The following IFT122 variants were observed in gnomAD, a reference collection of about 807,000 sequenced individuals.
IFT122 encodes intraflagellar transport protein 122 homolog.
Under a neutral mutation model 161.6 loss-of-function variants are expected in IFT122, and 118 were observed. The ratio of observed to expected loss-of-function variants is 0.73; its 90% CI spans 0.63 to 0.85. The LOEUF (loss-of-function observed/expected upper bound fraction) is 0.85. Ranked by LOEUF, IFT122 falls within the 40% of genes least tolerant of loss-of-function variation. The pLI is 0.00. For missense variants in IFT122, 1,381 were observed against 1,579.6 expected, an observed-to-expected ratio of 0.87 and a Z score of 2.13; for synonymous variants, 550 against 602.4, an observed-to-expected ratio of 0.91 and a Z score of 1.27.
intron 15 of IFT122, among the ~76,000 whole-genome samples, chr3:129,485,952 T>G (rs1297285429): frequency 2.0e-5 from 3 of 152,206 alleles, no homozygotes. Context: ...GTCTTGGAAT[T>G]TTTGGTTGCC....
chr3:129,479,276 A>T (rs1271752828), intron 12 of IFT122, among the ~76,000 whole-genome samples: 1 of 151,324 alleles, frequency 6.6e-6, no homozygotes, highest in African/African-American at 2.4e-5. Flanking sequence ...AAAAAAAAAA[A>T]AAATTATTTA....
chr3:129,485,393 C>T (rs891089046), intron 15 of IFT122, among the ~76,000 whole-genome samples: 2 of 152,176 alleles, frequency 1.3e-5, no homozygotes, highest in African/African-American at 4.8e-5. Context: ...GGGAAATGCC[C>T]ATCATCCATG....
At chr3:129,456,582 A>G (rs1045668361) in intron 3 of IFT122, among the ~76,000 whole-genome samples, 10 of 151,962 alleles carry the variant, frequency 6.6e-5, no homozygotes, top group African/African-American at 2.4e-4. Flanking sequence ...GATTGCAGTG[A>G]GCTGAGATTA....
chr3:129,447,061 T>G (rs955032244), intron 1 of IFT122, among the ~76,000 whole-genome samples: 3 of 152,244 alleles, frequency 2.0e-5, no homozygotes, highest in African/African-American at 7.2e-5. Flanking sequence ...TTCTCCATGT[T>G]CTAGCAACAT....
chr3:129,497,844 A>C (rs1488443351), intron 18 of IFT122, among the ~76,000 whole-genome samples: 2 of 152,218 alleles, frequency 1.3e-5, no homozygotes, highest in Admixed American at 6.5e-5. Context: ...TGTTTACTTG[A>C]AAATTGCTTC....
intron 3 of IFT122, among the ~76,000 whole-genome samples, 153 bp from the exon 4 acceptor site, chr3:129,458,446 G>A (rs2075790517): frequency 6.6e-6 from 1 of 152,136 alleles, no homozygotes; most frequent in African/African-American, 2.4e-5. Flanking sequence ...CAAATATTCT[G>A]ACTCCAAGGT....
At chr3:129,443,632 G>T (rs1356172866) in intron 1 of IFT122, among the ~76,000 whole-genome samples, 1 of 152,192 alleles carries the variant, frequency 6.6e-6, no homozygotes, top group African/African-American at 2.4e-5. Context: ...CAAATATGTA[G>T]AACATGGCCA....
chr3:129,449,617 A>C (rs539204554), intron 1 of IFT122, among the ~76,000 whole-genome samples: 1 of 152,350 alleles, frequency 6.6e-6, no homozygotes, highest in South Asian at 2.1e-4. Flanking sequence ...GACCCTTTGA[A>C]TAATTTCTTG....
At chr3:129,471,560 C>T (rs2077374315) in intron 9 of IFT122, among the ~76,000 whole-genome samples, 1 of 152,136 alleles carries the variant, frequency 6.6e-6, no homozygotes, top group Non-Finnish European at 1.5e-5. Context: ...GAAAAGAGCT[C>T]AACATGGCCG....
chr3:129,448,681 TTTTA>T (rs759740478), intron 1 of IFT122, among the ~76,000 whole-genome samples: 1 of 151,294 alleles, frequency 6.6e-6, no homozygotes, highest in Non-Finnish European at 1.5e-5. Flanking sequence ...CAGCTTGCCT[TTTTA>T]TTTATTTATT....
At chr3:129,440,506 T>G (rs2072848807) in intron 1 of IFT122, 135 bp downstream of exon 1, 2 of 1,083,100 alleles carry the variant, frequency 1.8e-6, no homozygotes, top group African/African-American at 3.1e-5. Context: ...CCTGGGAGAC[T>G]GCAGGGTCGC....
Position 129,476,368 on chromosome 3 carries a change from T to C in IFT122, c.870T>C (p.Thr290=). 1 of 1,614,230 alleles carries C rather than the reference T, an allele frequency of 6.2e-7. No individual in the cohort carries two copies. Among genetic ancestry groups the C allele is most frequent in the South Asian group, 1.1e-5 (1 of 91,088 alleles). ...ACCCCTGCTGCATCAGCTACTTTAC[T>C]AAAGGCGAGTACATTTTGCTGGGGG... The part of the protein sequence containing the change: ...NFDPCCISYF[T]KGEYILLGGS... Residue 290 remains threonine, a synonymous_variant, in exon 10 of 30, where the codon ACT becomes ACC. Coordinates refer to ENST00000348417, the MANE Select transcript of IFT122 (RefSeq NM_052989.3).
chr3:129,465,111 A>G (rs1050985554), intron 7 of IFT122, among the ~76,000 whole-genome samples: 32 of 96,438 alleles, frequency 3.3e-4, no homozygotes, highest in Non-Finnish European at 6.1e-4. Flanking sequence ...GTACATGTAT[A>G]TGAGTGTGTG....
chr3:129,446,830 A>G (rs991102801), intron 1 of IFT122, among the ~76,000 whole-genome samples: 1 of 152,118 alleles, frequency 6.6e-6, no homozygotes, highest in African/African-American at 2.4e-5. Context: ...AGTTTATCCC[A>G]TGCTAAACTT....
At chr3:129,446,764 T>C (rs2074052684) in intron 1 of IFT122, among the ~76,000 whole-genome samples, 1 of 152,196 alleles carries the variant, frequency 6.6e-6, no homozygotes, top group Non-Finnish European at 1.5e-5. Flanking sequence ...CATATTTGGC[T>C]CAGAATAAAT....
At position 129,440,352 on chromosome 3, in the gene IFT122, A is replaced by G. The variant is rs1228704098; in HGVS notation, c.22A>G (p.Arg8Gly). 1.9e-6 allele frequency: 3 copies of G among 1,550,850 alleles called. No individual in the cohort carries two copies. The highest frequency in any genetic ancestry group is 2.4e-5 in the South Asian group (2 of 84,012). The stretch of plus-strand genomic sequence containing the variant: ...CGTGATGAGGGCCGTGTTGACGTGG[A>G]GAGATAAAGCCGAGCACTGGTGAGG... Reference protein sequence around the residue: MRAVLTWRDKAEHCINDI... With the variant: MRAVLTWGDKAEHCINDI... Residue 8 changes from arginine (R) to glycine (G), a missense_variant, in exon 1 of 30, where the codon AGA becomes GGA. By Grantham distance (125) the Arg-to-Gly change is moderately radical. Around this residue, in one of 7 missense-constraint regions of IFT122, gnomAD observed 134 missense variants for 137.4 expected, o/e 0.98. Transcript: ENST00000348417.
At position 129,440,272 on chromosome 3, in the gene IFT122, G is replaced by T; in HGVS notation, c.-59G>T. Reference sequence around the variant, plus strand: ...GTGGAGTGGCGACCGTTAGTGAGGCGGTTGCTGAGACAGACGCTGAGGCGG... The same window carrying T: ...GTGGAGTGGCGACCGTTAGTGAGGCTGTTGCTGAGACAGACGCTGAGGCGG... On this transcript the variant is annotated 5_prime_UTR_variant, in exon 1 of 30. Transcript: ENST00000348417. The T allele has an allele frequency of 6.5e-7, 1 of 1,547,254 alleles. No individual in the cohort carries two copies. Among genetic ancestry groups the T allele is most frequent in the African/African-American group, 1.4e-5 (1 of 73,114 alleles).
rs2078914412 is a variant in IFT122 at position 129,483,487 on chromosome 3, A to G, written c.1656A>G (p.Glu552=). ...DIDTKELLFQ[E]PNANSVAWNT... ...TCCCCACTGTCCCTGTTCCCCAGGA[A>G]CCAAACGCCAACAGTGTAGCTTGGA... Residue 552 remains glutamate, a splice_region_variant and synonymous_variant, in exon 15 of 30, where the codon GAA becomes GAG. Coordinates refer to ENST00000348417, the MANE Select transcript of IFT122 (RefSeq NM_052989.3). The G allele has an allele frequency of 6.2e-7, 1 of 1,613,638 alleles. No homozygotes were observed. Among genetic ancestry groups the G allele is most frequent in the Admixed American group, 1.7e-5 (1 of 59,950 alleles).
chr3:129,514,247 C>A, intron 24 of IFT122, 142 bp from the exon 25 acceptor site: 1 of 894,496 alleles, frequency 1.1e-6, no homozygotes. Context: ...CACAAGCGCA[C>A]AGAGCCTTCC....
Sources: allele counts gnomAD v4.1 joint callset (sites outside exome capture counted in the v4.1 genomes callset), GRCh38; gene constraint gnomAD v4.1.1; regional missense constraint gnomAD v4.1.1; transcripts MANE v1.5; gene names NCBI Gene and HGNC (gene_info 2026-07-23, HGNC 2026-07-21).